The following LOC400499 variants were observed in gnomAD, a reference collection of about 807,000 sequenced individuals.
the LOC400499 span, among the ~76,000 whole-genome samples, chr16:11,379,127 C>T: frequency 2.0e-5 from 3 of 152,256 alleles, no homozygotes; most frequent in African/African-American, 4.8e-5. Context: ...TGGTGGCATA[C>T]GCCTGTAATC....
chr16:11,393,439 C>A, the LOC400499 span: 1 of 1,232,366 alleles, frequency 8.1e-7, no homozygotes, highest in East Asian at 3.2e-5. Context: ...GCCCGGAACA[C>A]AGACAGCCTC....
chr16:11,460,816 G>C, the LOC400499 span: 2 of 1,203,438 alleles, frequency 1.7e-6, no homozygotes, highest in Non-Finnish European at 2.2e-6. Flanking sequence ...TTAATGGGCA[G>C]GTATTCAGTC....
the LOC400499 span, chr16:11,493,690 C>T: frequency 6.5e-4 from 258 of 397,204 alleles, 2 homozygotes; most frequent in African/African-American, 4.7e-3. Flanking sequence ...GGCCCCCAGC[C>T]GGATCTCGGG....
chr16:11,462,270 C>T, the LOC400499 span: 12 of 1,513,966 alleles, frequency 7.9e-6, no homozygotes, highest in East Asian at 9.9e-5. Flanking sequence ...CGCTCAGCCT[C>T]GCCACCCATG....
the LOC400499 span, chr16:11,447,959 G>A: frequency 1.6e-4 from 239 of 1,535,754 alleles, 1 homozygote; most frequent in Non-Finnish European, 1.8e-4. Context: ...CCCCGTTTCC[G>A]GTACAATGTC....
the LOC400499 span, among the ~76,000 whole-genome samples, chr16:11,486,236 T>A: frequency 8.9e-6 from 1 of 112,736 alleles, no homozygotes; most frequent in Admixed American, 8.9e-5. Flanking sequence ...GTGTGTGGTT[T>A]GGTAAATGGA....
the LOC400499 span, among the ~76,000 whole-genome samples, chr16:11,465,712 GCAGTGATCTAC>G: frequency 2.1e-4 from 32 of 151,722 alleles, no homozygotes; most frequent in African/African-American, 7.5e-4. Context: ...GTTTGAGGCT[GCAGTGATCTAC>G]GATCACTGCA....
At chr16:11,488,997 G>C in the LOC400499 span, 2 of 395,758 alleles carry the variant, frequency 5.1e-6, no homozygotes. Context: ...CTTCTCAGGA[G>C]TCTGGCTACA....
the LOC400499 span, among the ~76,000 whole-genome samples, chr16:11,438,375 T>C: frequency 6.6e-6 from 1 of 152,104 alleles, no homozygotes; most frequent in African/African-American, 2.4e-5. Context: ...TGAAAGCTCA[T>C]GCCTCTAAGA....
the LOC400499 span, chr16:11,460,971 G>A: frequency 1.2e-5 from 18 of 1,534,294 alleles, no homozygotes; most frequent in East Asian, 9.8e-5. Flanking sequence ...TACCCAGGAG[G>A]CTGTACTGGA....
At chr16:11,516,341 C>T in the LOC400499 span, 31 of 399,110 alleles carry the variant, frequency 7.8e-5, no homozygotes, top group African/African-American at 6.2e-4. Flanking sequence ...AAGCGGGACC[C>T]TCCAGTGCCC....
At chr16:11,436,078 G>C in the LOC400499 span, among the ~76,000 whole-genome samples, 5 of 152,208 alleles carry the variant, frequency 3.3e-5, no homozygotes. Context: ...TCCAGCTCCT[G>C]GCCCAGGGGT....
At chr16:11,383,919 GC>G in the LOC400499 span, 1 of 1,231,930 alleles carries the variant, frequency 8.1e-7, no homozygotes, top group Non-Finnish European at 1.0e-6. Flanking sequence ...TGGAGTGGGG[GC>G]CCTCGAAGAA....
the LOC400499 span, among the ~76,000 whole-genome samples, chr16:11,501,699 C>T: frequency 2.6e-5 from 4 of 151,934 alleles, no homozygotes; most frequent in African/African-American, 9.7e-5. Context: ...GGTGGAATGC[C>T]GGCCCTGCCC....
chr16:11,526,958 G>T, the LOC400499 span, among the ~76,000 whole-genome samples: 2 of 152,134 alleles, frequency 1.3e-5, no homozygotes, highest in South Asian at 2.1e-4. Flanking sequence ...GTCATCTCTC[G>T]CTCCTCTTCC....
the LOC400499 span, chr16:11,393,451 C>T: frequency 8.1e-7 from 1 of 1,232,384 alleles, no homozygotes; most frequent in Non-Finnish European, 1.0e-6. Context: ...GACAGCCTCA[C>T]TTTCTCCTCT....
the LOC400499 span, chr16:11,411,291 G>A: frequency 8.5e-5 from 34 of 399,290 alleles, 2 homozygotes; most frequent in Non-Finnish European, 1.8e-5. Flanking sequence ...CCAGGAGGAA[G>A]GGGAGGCGAT....
At chr16:11,518,385 T>A in the LOC400499 span, among the ~76,000 whole-genome samples, 3 of 151,426 alleles carry the variant, frequency 2.0e-5, no homozygotes, top group Non-Finnish European at 4.4e-5. Flanking sequence ...ACAGGGAGAA[T>A]CCCAGGCTTG....
chr16:11,407,968 C>CTTTTTTTTTTTT, the LOC400499 span, among the ~76,000 whole-genome samples: 2 of 116,176 alleles, frequency 1.7e-5, no homozygotes, highest in African/African-American at 6.8e-5. Flanking sequence ...TGTTCCAGAG[C>CTTTTTTTTTTTT]TGTTTTTTTT....
Sources: allele counts gnomAD v4.1 joint callset (sites outside exome capture counted in the v4.1 genomes callset), GRCh38; gene constraint gnomAD v4.1.1; transcripts MANE v1.5.